Variants in PLG observed in about 807,000 individuals in gnomAD.
The protein encoded by PLG is plasminogen.
Under a neutral mutation model 104.4 loss-of-function variants are expected in PLG, and 41 were observed. The observed-to-expected ratio is 0.39, with a 90% CI of 0.31 to 0.51. The LOEUF is 0.51. Among genes scored for constraint, PLG ranks in the 20% least tolerant of loss-of-function variants. The pLI, the probability that PLG is intolerant of heterozygous loss-of-function variation, is 0.76. For synonymous variants in PLG, 337 were observed against 357.1 expected (o/e 0.94, Z 0.63); for missense variants, 891 against 1,003.6 (o/e 0.89, Z 1.52).
chr6:160,721,755 T>C (rs1777833094), intron 9 of PLG, among the ~76,000 whole-genome samples: 2 of 152,212 alleles, frequency 1.3e-5, no homozygotes, highest in Non-Finnish European at 2.9e-5. Context: ...GTAGTGATTT[T>C]TCAGTGTTCT....
intron 6 of PLG, 130 bp from the exon 7 acceptor site, chr6:160,716,515 T>C: frequency 1.4e-6 from 1 of 725,596 alleles, no homozygotes; most frequent in South Asian, 1.5e-5. Context: ...AACACAGCCT[T>C]CATCTGATTA....
chr6:160,736,273 C>G lies in PLG; in HGVS notation c.1682-614C>G, dbSNP rs1277225937. On this transcript the variant is annotated intron_variant, in intron 13 of 18. Transcript: ENST00000308192. The surrounding 1 kb of genome is among the most constrained non-coding windows in gnomAD (Gnocchi z 5.2). Reference sequence around the variant, plus strand: ...GAATAAAGTCATATGTTTAAGTCACCCCCACGGCCGTTGGTTAGTCATGGG... The same window carrying G: ...GAATAAAGTCATATGTTTAAGTCACGCCCACGGCCGTTGGTTAGTCATGGG... Among the ~76,000 whole-genome samples, 2 of 152,072 alleles carry G rather than the reference C, an allele frequency of 1.3e-5. No individual in the cohort carries two copies. The highest frequency in any genetic ancestry group is 4.8e-5 in the African/African-American group (2 of 41,380).
At chr6:160,750,438 G>A (rs977505636) in intron 17 of PLG, among the ~76,000 whole-genome samples, 3 of 152,210 alleles carry the variant, frequency 2.0e-5, no homozygotes, top group Admixed American at 6.5e-5. Context: ...CCTTATCAGC[G>A]TGTTTGCCTT....
At chr6:160,710,220 C>T (rs1480406364) in intron 3 of PLG, among the ~76,000 whole-genome samples, 1 of 152,188 alleles carries the variant, frequency 6.6e-6, no homozygotes, top group Non-Finnish European at 1.5e-5. Flanking sequence ...TTAAATGATT[C>T]ATGTTTCAAC....
Position 160,731,569 on chromosome 6 carries a change from C to T in PLG, c.1439-176C>T, listed in dbSNP as rs896521096. 4.6e-5 allele frequency among the ~76,000 whole-genome samples: 7 copies of T among 152,192 alleles called. No individual in the cohort carries two copies. The highest frequency in any genetic ancestry group is 1.7e-4 in the African/African-American group (7 of 41,444). The stretch of plus-strand genomic sequence containing the variant: ...GTGTGATTCTTTCCAAGCCAGTAAG[C>T]ATCTCCAGTAATTTCTTAAGGTAGG... On this transcript the variant is annotated intron_variant, in intron 11 of 18. Coordinates refer to ENST00000308192, the MANE Select transcript of PLG (RefSeq NM_000301.5). The surrounding 1 kb of genome is among the most constrained non-coding windows in gnomAD (Gnocchi z 5.1).
Position 160,746,688 on chromosome 6 carries a change from T to A in PLG, c.2125+5271T>A, listed in dbSNP as rs983588696. ...CCTTGTTAGAGAACTAGTGTGGTTG[T>A]TTGGAGGACATATGGCACTCCGGCC... On this transcript the variant is annotated intron_variant, in intron 17 of 18. Coordinates refer to ENST00000308192, the MANE Select transcript of PLG (RefSeq NM_000301.5). Among the ~76,000 whole-genome samples the A allele has an allele frequency of 1.5e-4, 23 of 152,338 alleles. No homozygotes were observed. The East Asian group carries it at 3.9e-3, about 26-fold the overall frequency.
chr6:160,742,962 G>T (rs1477026689), intron 17 of PLG, among the ~76,000 whole-genome samples: 1 of 150,468 alleles, frequency 6.6e-6, no homozygotes, highest in Admixed American at 6.6e-5. Context: ...GTCTGTAGGT[G>T]TGTGGCCTTA....
chr6:160,730,779 C>G, intron 10 of PLG: 1 of 349,238 alleles, frequency 2.9e-6, no homozygotes, highest in Non-Finnish European at 5.4e-6. Flanking sequence ...TATTCTGATC[C>G]TTTTATTTAC....
intron 1 of PLG, among the ~76,000 whole-genome samples, chr6:160,703,372 T>C (rs1777458278): frequency 1.3e-5 from 2 of 152,068 alleles, no homozygotes; most frequent in Admixed American, 1.3e-4. Flanking sequence ...GCAGCCACCA[T>C]CAGAATAAAT....
intron 3 of PLG, among the ~76,000 whole-genome samples, chr6:160,710,626 C>T (rs1490426075): frequency 6.6e-6 from 1 of 152,168 alleles, no homozygotes; most frequent in African/African-American, 2.4e-5. Context: ...TGGGTTGGAT[C>T]TCTTTCAGCC....
chr6:160,731,623 A>G lies in PLG; in HGVS notation c.1439-122A>G, dbSNP rs1206176828. On this transcript the variant is annotated intron_variant, in intron 11 of 18. Coordinates refer to ENST00000308192, the MANE Select transcript of PLG (RefSeq NM_000301.5). The surrounding 1 kb of genome is among the most constrained non-coding windows in gnomAD (Gnocchi z 5.1). ...CGTTCATTGCAGTCTTCAGCATTGC[A>G]GTTTCTGAGGAATGTGGCCCCTGAT... 6.6e-6 allele frequency: 6 copies of G among 915,400 alleles called. No homozygotes were observed. The highest frequency in any genetic ancestry group is 1.1e-5 in the Non-Finnish European group (6 of 553,024). 56.7% of individuals were successfully genotyped at this position (915,400 alleles called of 1,614,324 possible).
At chr6:160,728,991 C>A (rs1013114062) in intron 10 of PLG, among the ~76,000 whole-genome samples, 1 of 152,128 alleles carries the variant, frequency 6.6e-6, no homozygotes, top group Non-Finnish European at 1.5e-5. Context: ...AATAAAAATT[C>A]TCTCCATCCA....
chr6:160,739,000 T>A lies in PLG; in HGVS notation c.1878-68T>A. On this transcript the variant is annotated intron_variant, in intron 15 of 18. Transcript: ENST00000308192. This position sits in a 1 kb window ranked among gnomAD's most constrained non-coding sequence, Gnocchi z 6.8. ...AGGGTGTCAGGGAGACAGCACCAAT[T>A]TCATGGCACAGAGGTTACCTGAAGG... The A allele has an allele frequency of 6.3e-7, 1 of 1,598,462 alleles. No individual in the cohort carries two copies.
At chr6:160,716,266 C>G (rs1777728102) in intron 6 of PLG, among the ~76,000 whole-genome samples, 1 of 152,186 alleles carries the variant, frequency 6.6e-6, no homozygotes, top group Admixed American at 6.5e-5. Flanking sequence ...GTCACTGATT[C>G]TGTTGAGTGA....
At chr6:160,747,226 G>T (rs1287588731) in intron 17 of PLG, among the ~76,000 whole-genome samples, 1 of 152,242 alleles carries the variant, frequency 6.6e-6, no homozygotes, top group Non-Finnish European at 1.5e-5. Flanking sequence ...CCAGGTCTAG[G>T]ATGGCATTTG....
intron 17 of PLG, among the ~76,000 whole-genome samples, chr6:160,748,238 G>A (rs1370013239): frequency 6.6e-6 from 1 of 151,338 alleles, no homozygotes; most frequent in Non-Finnish European, 1.5e-5. Flanking sequence ...CTGGGAGGTG[G>A]AGGTTGCAGT....
chr6:160,709,271 G>T lies in PLG; in HGVS notation c.292+1465G>T, dbSNP rs188142884. On this transcript the variant is annotated intron_variant, in intron 3 of 18. Coordinates refer to ENST00000308192, the MANE Select transcript of PLG (RefSeq NM_000301.5). Reference sequence around the variant, plus strand: ...CTACTAACTTACCTGCCAGGGTTTTGCCAGGAACAGTCAGTGTTAGATCAC... The same window carrying T: ...CTACTAACTTACCTGCCAGGGTTTTTCCAGGAACAGTCAGTGTTAGATCAC... 4.0e-4 allele frequency among the ~76,000 whole-genome samples: 61 copies of T among 152,150 alleles called. No individual in the cohort carries two copies. In the East Asian group the frequency reaches 0.01, roughly 26 times the overall value.
At chr6:160,751,150 CA>C (rs1402458409) in intron 17 of PLG, among the ~76,000 whole-genome samples, 16 of 152,090 alleles carry the variant, frequency 1.1e-4, no homozygotes, top group African/African-American at 3.9e-4. Context: ...AATAATTTGG[CA>C]ACGTTATTGG....
rs1457285051 is a variant in PLG at position 160,732,269 on chromosome 6, T to A, written c.1587+376T>A. Among the ~76,000 whole-genome samples the A allele has an allele frequency of 6.6e-6, 1 of 152,212 alleles. No individual in the cohort carries two copies. The highest frequency in any genetic ancestry group is 1.5e-5 in the Non-Finnish European group (1 of 68,036). On this transcript the variant is annotated intron_variant, in intron 12 of 18. Transcript: ENST00000308192. The surrounding 1 kb of genome is among the most constrained non-coding windows in gnomAD (Gnocchi z 4.5). ...CAGATTTTTCGAGAAAAAATTTGGATGGGCCATCAGGTCACCATGGGACTT... is the reference window on the plus strand; with the variant it reads ...CAGATTTTTCGAGAAAAAATTTGGAAGGGCCATCAGGTCACCATGGGACTT...
Sources: allele counts gnomAD v4.1 joint callset (sites outside exome capture counted in the v4.1 genomes callset), GRCh38; gene constraint gnomAD v4.1.1; non-coding constraint Gnocchi (gnomAD v3.1); transcripts MANE v1.5; gene names NCBI Gene and HGNC (gene_info 2026-07-23, HGNC 2026-07-21).